SOX5: variants seen among roughly 807,000 people sequenced by gnomAD.
SOX5 encodes the protein SRY-box transcription factor 5.
A neutral mutation model predicts 92.0 loss-of-function variants in SOX5; 9 were observed. That is an observed-to-expected ratio of 0.10 (90% CI 0.06 to 0.17). SOX5 has a LOEUF of 0.17. Among genes scored for constraint, SOX5 ranks in the 10% least tolerant of loss-of-function variants. The pLI is 1.00. For synonymous variants in SOX5, 344 were observed against 336.3 expected (o/e 1.02, Z -0.25); for missense variants, 642 against 944.5 (o/e 0.68, Z 4.20).
intron 6 of SOX5, among the ~76,000 whole-genome samples, chr12:23,674,498 C>T (rs6487355): frequency 0.86 from 130,250 of 151,626 alleles, 56,050 homozygotes; most frequent in East Asian, 1. Context: ...CCACCGCTTC[C>T]GGCTAAGTTT....
At chr12:24,509,244 G>C (rs1383197731) in intron 1 of SOX5, among the ~76,000 whole-genome samples, 1 of 152,128 alleles carries the variant, frequency 6.6e-6, no homozygotes, top group Non-Finnish European at 1.5e-5. Flanking sequence ...CAAATCCTTT[G>C]GTTTAAAGTG....
intron 4 of SOX5, among the ~76,000 whole-genome samples, chr12:24,085,698 CG>C (rs1200791240): frequency 3.3e-5 from 5 of 151,468 alleles, no homozygotes; most frequent in Admixed American, 2.6e-4. Flanking sequence ...GTCTCACCAA[CG>C]TAATTCTTAT....
chr12:23,920,876 G>T (rs1393600919), intron 1 of SOX5, among the ~76,000 whole-genome samples: 2 of 152,016 alleles, frequency 1.3e-5, no homozygotes, highest in African/African-American at 4.8e-5. Flanking sequence ...TAGTGATAAT[G>T]GCTAAGAACA....
chr12:24,182,455 C>T (rs912472264), intron 4 of SOX5, among the ~76,000 whole-genome samples: 2 of 152,192 alleles, frequency 1.3e-5, no homozygotes, highest in Non-Finnish European at 2.9e-5. Flanking sequence ...AGCACTCAAA[C>T]AGCTCCAATA....
Position 23,872,164 on chromosome 12 carries a change from A to ATTTTTTTTTTTTTTTTTTTTT in SOX5, c.270+23608_270+23628dup, listed in dbSNP as rs71059938. On this transcript the variant is annotated intron_variant, in intron 2 of 14. Coordinates refer to ENST00000451604, the MANE Select transcript of SOX5 (RefSeq NM_006940.6). ...AGGCGCCCGCCACCACGCCCGGCTA[A>ATTTTTTTTTTTTTTTTTTTTT]TTTTTTTTTTTTTTTTTTTTTTTTT... Among the ~76,000 whole-genome samples the ATTTTTTTTTTTTTTTTTTTTT allele has an allele frequency of 4.1e-4, 25 of 61,650 alleles. 1 individual carries two copies. The highest frequency in any genetic ancestry group is 5.2e-4 in the Non-Finnish European group (16 of 30,948). The allele number at this position is 61,650 out of a possible 152,430, so 40.4% of individuals were successfully genotyped here.
At chr12:24,157,501 C>T (rs1334164570) in intron 4 of SOX5, among the ~76,000 whole-genome samples, 1 of 152,086 alleles carries the variant, frequency 6.6e-6, no homozygotes, top group Non-Finnish European at 1.5e-5. Flanking sequence ...TTACTAATCT[C>T]TAAATGCTTA....
chr12:23,575,771 G>A lies in SOX5; in HGVS notation c.1232C>T (p.Ser411Leu), dbSNP rs1276668162. ...AGCTGGCATATGGGGAGAGGTGGGTGATGTGGGTGATTTGCCATCAGAGGT... is the reference window on the plus strand; with the variant it reads ...AGCTGGCATATGGGGAGAGGTGGGTAATGTGGGTGATTTGCCATCAGAGGT... Reference protein sequence around the residue: ...PKTSDGKSPTSPTSPHMPALR... With the variant: ...PKTSDGKSPTLPTSPHMPALR... Residue 411 changes from serine to leucine, a missense_variant, in exon 10 of 15, where the codon TCA becomes TTA. Ser to Leu is a moderately radical substitution (Grantham distance 145). This residue lies in a region of SOX5 where 324 missense variants were observed against 461.6 expected (regional missense o/e 0.70). Coordinates refer to ENST00000451604, the MANE Select transcript of SOX5 (RefSeq NM_006940.6). The A allele has an allele frequency of 6.2e-7, 1 of 1,611,760 alleles. No individual in the cohort carries two copies. Among genetic ancestry groups the A allele is most frequent in the Non-Finnish European group, 8.5e-7 (1 of 1,179,012 alleles).
intron 4 of SOX5, among the ~76,000 whole-genome samples, chr12:24,147,086 C>A (rs946774386): frequency 1.3e-5 from 2 of 152,104 alleles, no homozygotes; most frequent in Admixed American, 6.5e-5. Flanking sequence ...TACACAAATT[C>A]TTTCACAAAG....
At chr12:23,605,685 T>C (rs1467570032) in intron 8 of SOX5, among the ~76,000 whole-genome samples, 3 of 151,918 alleles carry the variant, frequency 2.0e-5, no homozygotes, top group Non-Finnish European at 4.4e-5. Context: ...ACAAAATTGC[T>C]CATGATAAGC....
At chr12:23,665,048 G>C (rs1359980745) in intron 7 of SOX5, among the ~76,000 whole-genome samples, 2 of 152,104 alleles carry the variant, frequency 1.3e-5, no homozygotes, top group Non-Finnish European at 2.9e-5. Flanking sequence ...GAGAATTTAG[G>C]CTGTAAATAT....
intron 1 of SOX5, among the ~76,000 whole-genome samples, chr12:24,548,123 G>A (rs1036333112): frequency 6.6e-6 from 1 of 152,180 alleles, no homozygotes; most frequent in Non-Finnish European, 1.5e-5. Flanking sequence ...TTCTGCAGAT[G>A]AGGAATCAGA....
chr12:24,087,527 C>T (rs897749754), intron 4 of SOX5, among the ~76,000 whole-genome samples: 1 of 151,940 alleles, frequency 6.6e-6, no homozygotes, highest in South Asian at 2.1e-4. Context: ...AAGGTCTACA[C>T]GGGGAGGATG....
chr12:24,435,066 G>A (rs773763109), intron 1 of SOX5, among the ~76,000 whole-genome samples: 18 of 152,194 alleles, frequency 1.2e-4, no homozygotes, highest in Non-Finnish European at 2.4e-4. Flanking sequence ...CCACCAAAGA[G>A]AAGAGCACTT....
chr12:23,927,888 A>C (rs1001912514), intron 1 of SOX5, among the ~76,000 whole-genome samples: 4 of 152,088 alleles, frequency 2.6e-5, no homozygotes, highest in Admixed American at 6.6e-5. Context: ...AAAGTCACAA[A>C]TAAGCTCACC....
In SOX5 at chr12:23,760,329, C is replaced by A. The variant is rs144638222; in HGVS notation, c.482-4605G>T. ...CAGATGGAATACAAAACCAGGTTCT[C>A]TTAATTTCAGGATCTGTCTCTTTAG... is the stretch of plus-strand genomic sequence containing the variant. On this transcript the variant is annotated intron_variant, in intron 3 of 14. Coordinates refer to ENST00000451604, the MANE Select transcript of SOX5 (RefSeq NM_006940.6). 4.0e-4 allele frequency among the ~76,000 whole-genome samples: 61 copies of A among 152,082 alleles called. No individual in the cohort carries two copies. The East Asian group carries it at 9.9e-3, about 25-fold the overall frequency.
intron 1 of SOX5, among the ~76,000 whole-genome samples, chr12:24,518,037 T>C (rs528726336): frequency 5.3e-5 from 8 of 151,494 alleles, no homozygotes; most frequent in Non-Finnish European, 1.0e-4. Flanking sequence ...GCTTTACATA[T>C]GGTTTATTAA....
chr12:23,631,461 A>G (rs2078525245), intron 8 of SOX5, among the ~76,000 whole-genome samples: 1 of 152,090 alleles, frequency 6.6e-6, no homozygotes, highest in Non-Finnish European at 1.5e-5. Flanking sequence ...AAATTTAAAA[A>G]AGTATACTTT....
intron 8 of SOX5, among the ~76,000 whole-genome samples, chr12:23,629,635 T>C (rs1472688662): frequency 6.6e-6 from 1 of 152,092 alleles, no homozygotes; most frequent in Non-Finnish European, 1.5e-5. Flanking sequence ...TGGAGTCCGG[T>C]GAATAGTTTG....
At position 23,867,493 on chromosome 12, in the gene SOX5, T is replaced by G. The variant is rs139957845; in HGVS notation, c.271-21300A>C. On this transcript the variant is annotated intron_variant, in intron 2 of 14. Coordinates refer to ENST00000451604, the MANE Select transcript of SOX5 (RefSeq NM_006940.6). ...CAGACCTCTAAGACCTAATGCCAAGTTTAAAATTCTATGGATCTGTGAGTG... is the reference window on the plus strand; with the variant it reads ...CAGACCTCTAAGACCTAATGCCAAGGTTAAAATTCTATGGATCTGTGAGTG... 1.6e-3 allele frequency among the ~76,000 whole-genome samples: 237 copies of G among 152,254 alleles called. 3 individuals carry two copies. Among genetic ancestry groups the G allele is most frequent in the Non-Finnish European group, 6.9e-4 (47 of 67,984 alleles).
Sources: gnomAD v4.1 joint callset for allele counts (sites outside exome capture counted in the v4.1 genomes callset) on GRCh38, gnomAD v4.1.1 for gene constraint, gnomAD v4.1.1 regional missense constraint, MANE v1.5 for transcripts, NCBI Gene and HGNC (gene_info 2026-07-23, HGNC 2026-07-21) for gene names.